The following IL1RAPL1 variants were observed in gnomAD, a reference collection of about 807,000 sequenced individuals.
IL1RAPL1 encodes interleukin 1 receptor accessory protein like 1.
In IL1RAPL1, 3 loss-of-function variants were observed where a neutral mutation model predicts 48.4. The ratio of observed to expected loss-of-function variants is 0.06; its 90% CI spans 0.03 to 0.16. IL1RAPL1 has a LOEUF of 0.16. Ranked by LOEUF, IL1RAPL1 falls within the 10% of genes least tolerant of loss-of-function variation. The pLI is 1.00. For synonymous variants in IL1RAPL1, 185 were observed against 187.7 expected, an observed-to-expected ratio of 0.99 and a Z score of 0.12; for missense variants, 349 against 530.6, an observed-to-expected ratio of 0.66 and a Z score of 3.36.
At position 29,656,370 on chromosome X, in the gene IL1RAPL1, C is replaced by T. The variant is rs1925678531; in HGVS notation, c.704-12060C>T. On this transcript the variant is annotated intron_variant, in intron 5 of 10. Coordinates refer to ENST00000378993, the MANE Select transcript of IL1RAPL1 (RefSeq NM_014271.4). ...CTGAGATTTTGGTGCACCCATCACC[C>T]GAGCAGTGTATACTGAACCCAATGT... Among the ~76,000 whole-genome samples the T allele has an allele frequency of 1.5e-4, 17 of 111,066 alleles. No individual in the cohort carries two copies. In the Admixed American group the frequency reaches 1.6e-3, roughly 11 times the overall value.
At chrX:29,420,991 A>G (rs970434207) in intron 5 of IL1RAPL1, among the ~76,000 whole-genome samples, 1 of 112,060 alleles carries the variant, frequency 8.9e-6, no homozygotes, top group Non-Finnish European at 1.9e-5. Flanking sequence ...TATTCTTTAT[A>G]TAGGGTCAAT....
chrX:29,947,082 C>A (rs1270922654), intron 9 of IL1RAPL1, among the ~76,000 whole-genome samples: 3 of 111,397 alleles, frequency 2.7e-5, no homozygotes, highest in Non-Finnish European at 5.7e-5. Flanking sequence ...TGGAGTGTTG[C>A]CTCATTTTAG....
chrX:29,172,300 G>A (rs755118424), intron 2 of IL1RAPL1, among the ~76,000 whole-genome samples: 12 of 111,962 alleles, frequency 1.1e-4, no homozygotes, highest in African/African-American at 3.6e-4. Flanking sequence ...GGTTCTCAAC[G>A]TGTGGTTCCT....
At chrX:28,890,627 C>T (rs1413904309) in intron 2 of IL1RAPL1, among the ~76,000 whole-genome samples, 1 of 111,703 alleles carries the variant, frequency 9.0e-6, no homozygotes, top group Non-Finnish European at 1.9e-5. Flanking sequence ...CTACATTTAA[C>T]TGTTGTCAAA....
At chrX:29,665,322 G>C (rs1346689617) in intron 5 of IL1RAPL1, among the ~76,000 whole-genome samples, 1 of 112,290 alleles carries the variant, frequency 8.9e-6, no homozygotes, top group East Asian at 2.8e-4. Flanking sequence ...GCTTAGTCAT[G>C]GTCTAATGCT....
intron 5 of IL1RAPL1, among the ~76,000 whole-genome samples, chrX:29,459,391 A>G (rs1208198863): frequency 8.9e-6 from 1 of 111,871 alleles, no homozygotes; most frequent in Admixed American, 9.5e-5. Context: ...ACCTAGCTTG[A>G]CAGGCAATTA....
At chrX:29,066,233 ATT>A (rs1371412946) in intron 2 of IL1RAPL1, among the ~76,000 whole-genome samples, 1 of 112,021 alleles carries the variant, frequency 8.9e-6, no homozygotes, top group African/African-American at 3.2e-5. Flanking sequence ...TAACTGGACT[ATT>A]TTAGTTAAAT....
intron 3 of IL1RAPL1, among the ~76,000 whole-genome samples, chrX:29,317,633 T>TC (rs1932774843): frequency 8.9e-6 from 1 of 112,105 alleles, no homozygotes; most frequent in Admixed American, 9.5e-5. Context: ...ATTTGTTTCT[T>TC]CCCCAAGGGA....
intron 2 of IL1RAPL1, among the ~76,000 whole-genome samples, chrX:29,106,009 C>G (rs1928439458): frequency 8.9e-6 from 1 of 112,224 alleles, no homozygotes; most frequent in African/African-American, 3.2e-5. Flanking sequence ...ATAATTCTTC[C>G]ATCAACTTGA....
At chrX:28,843,528 C>T (rs957220007) in intron 2 of IL1RAPL1, among the ~76,000 whole-genome samples, 1 of 111,683 alleles carries the variant, frequency 9.0e-6, no homozygotes, top group African/African-American at 3.2e-5. Context: ...TTTACTATGT[C>T]TCAATTATTA....
chrX:29,798,926 C>G (rs778528308), intron 6 of IL1RAPL1, among the ~76,000 whole-genome samples: 1 of 112,416 alleles, frequency 8.9e-6, no homozygotes, highest in South Asian at 3.7e-4. Context: ...TCCAGACTTT[C>G]ATTTCTACTT....
rs1569210435 is a variant in IL1RAPL1, at chrX:28,969,930, T to TATATATGTTTCTAAACAC, written c.82+180512_82+180529dup. The stretch of plus-strand genomic sequence containing the variant: ...ACACATATATATGTTTCTAAACACA[T>TATATATGTTTCTAAACAC]ATATATGTTTCTAAACACATATATA... On this transcript the variant is annotated intron_variant, in intron 2 of 10. Coordinates refer to ENST00000378993, the MANE Select transcript of IL1RAPL1 (RefSeq NM_014271.4). 1.3e-3 allele frequency among the ~76,000 whole-genome samples: 142 copies of TATATATGTTTCTAAACAC among 110,856 alleles called. 1 individual carries two copies. The highest frequency in any genetic ancestry group is 4.3e-3 in the African/African-American group (132 of 30,695).
At chrX:28,705,265 C>T (rs1240597401) in intron 1 of IL1RAPL1, among the ~76,000 whole-genome samples, 1 of 110,984 alleles carries the variant, frequency 9.0e-6, no homozygotes, top group African/African-American at 3.3e-5. Flanking sequence ...CAAATCTGAC[C>T]ACAGTGCCTG....
chrX:29,341,339 A>G (rs751901897), intron 3 of IL1RAPL1, among the ~76,000 whole-genome samples: 3 of 112,427 alleles, frequency 2.7e-5, no homozygotes, highest in East Asian at 2.8e-4. Flanking sequence ...TTTGTGGAGC[A>G]TATAATCTAT....
chrX:29,111,930 T>G (rs767960726), intron 2 of IL1RAPL1, among the ~76,000 whole-genome samples: 1 of 87,958 alleles, frequency 1.1e-5, no homozygotes, highest in Non-Finnish European at 2.3e-5. Context: ...CTTTTCTTTT[T>G]TTTTTTTTTT....
chrX:29,019,172 G>T (rs147107077), intron 2 of IL1RAPL1, among the ~76,000 whole-genome samples: 209 of 110,945 alleles, frequency 1.9e-3, no homozygotes, highest in Non-Finnish European at 3.6e-3. Flanking sequence ...TATCTCCAAC[G>T]GATCCCTCCC....
intron 5 of IL1RAPL1, among the ~76,000 whole-genome samples, chrX:29,574,768 A>G (rs1042985932): frequency 5.4e-5 from 6 of 111,526 alleles, no homozygotes; most frequent in Non-Finnish European, 1.1e-4. Context: ...CCCTTTGCTC[A>G]TGCATATGCT....
intron 3 of IL1RAPL1, among the ~76,000 whole-genome samples, chrX:29,392,793 A>T (rs1220957884): frequency 8.9e-6 from 1 of 112,221 alleles, no homozygotes; most frequent in East Asian, 2.8e-4. Flanking sequence ...ATTCTTATTC[A>T]ACCCACTCAT....
intron 2 of IL1RAPL1, among the ~76,000 whole-genome samples, chrX:29,274,203 AT>A (rs1022521668): frequency 8.9e-6 from 1 of 112,063 alleles, no homozygotes; most frequent in Admixed American, 9.5e-5. Context: ...ACACAGATAC[AT>A]TTTTGTAATA....
Sources: gnomAD v4.1 joint callset for allele counts (sites outside exome capture counted in the v4.1 genomes callset) on GRCh38, gnomAD v4.1.1 for gene constraint, MANE v1.5 for transcripts, NCBI Gene and HGNC (gene_info 2026-07-23, HGNC 2026-07-21) for gene names.